The following IDO2 variants were observed in gnomAD, a reference collection of about 807,000 sequenced individuals.
IDO2 encodes indoleamine 2,3-dioxygenase 2.
In IDO2, 46 loss-of-function variants were observed where a neutral mutation model predicts 45.1. The ratio of observed to expected loss-of-function variants is 1.02; its 90% CI spans 0.80 to 1.30. The LOEUF is 1.30. Ranked by LOEUF, IDO2 falls within the 50% of genes most tolerant of loss-of-function variation. The pLI is 0.00. For synonymous variants in IDO2, 218 were observed against 184.9 expected, an observed-to-expected ratio of 1.18 and a Z score of -1.45; for missense variants, 544 against 491.8, an observed-to-expected ratio of 1.11 and a Z score of -1.00.
chr8:39,982,547 A>G lies in IDO2; in HGVS notation c.316-105A>G, dbSNP rs1808369814. 63 of 718,414 alleles carry G rather than the reference A, an allele frequency of 8.8e-5. No individual in the cohort carries two copies. In the South Asian group the frequency reaches 1.2e-3, roughly 13 times the overall value. 44.5% of individuals were successfully genotyped at this position (718,414 alleles called of 1,614,324 possible). A position where few individuals can be genotyped will look rare whatever the true frequency, so the allele number is the denominator to read the frequency against. On this transcript the variant is annotated intron_variant, in intron 4 of 10. Coordinates refer to ENST00000502986, the Ensembl canonical transcript of IDO2. The stretch of plus-strand genomic sequence containing the variant: ...CAGGTAATTCAAGCTTGGTTCCCAG[A>G]TCATTTCTGTACCACAGGATTGCCG...
chr8:39,996,041 C>A (rs2729480), intron 8 of IDO2, among the ~76,000 whole-genome samples: 110,116 of 149,806 alleles, frequency 0.74, 40,694 homozygotes, highest in East Asian at 0.92. Context: ...TCATTGCTAT[C>A]TAAAAATCTC....
intron 1 of IDO2, among the ~76,000 whole-genome samples, chr8:39,936,180 T>A (rs1807545850): frequency 6.6e-6 from 1 of 152,228 alleles, no homozygotes; most frequent in African/African-American, 2.4e-5. Context: ...ACCTAAAGGA[T>A]CTGGCTCTAT....
At chr8:39,946,448 G>C (rs1344118032) in intron 1 of IDO2, among the ~76,000 whole-genome samples, 1 of 151,990 alleles carries the variant, frequency 6.6e-6, no homozygotes, top group African/African-American at 2.4e-5. Flanking sequence ...TCTACTAAAA[G>C]TACAAAAAAT....
chr8:39,964,359 G>T (rs1202108330), intron 3 of IDO2, among the ~76,000 whole-genome samples: 1 of 152,158 alleles, frequency 6.6e-6, no homozygotes, highest in Non-Finnish European at 1.5e-5. Context: ...GAGAAACTCT[G>T]GTCTCACAGT....
chr8:39,985,150 C>T (rs914892037), intron 5 of IDO2: 15 of 319,890 alleles, frequency 4.7e-5, no homozygotes, highest in South Asian at 1.6e-4. Flanking sequence ...AGTCTGGTAT[C>T]GAATCCTCGA....
At chr8:39,991,060 G>A (rs1053287616) in intron 8 of IDO2, among the ~76,000 whole-genome samples, 2 of 152,140 alleles carry the variant, frequency 1.3e-5, no homozygotes, top group Non-Finnish European at 2.9e-5. Flanking sequence ...CAAGAAGCAG[G>A]ACTGGAGGGA....
At position 40,004,607 on chromosome 8, in the gene IDO2, C is replaced by A. The variant is rs1477031862; in HGVS notation, c.668-720C>A. ...ATAGATAATCTCAGAAACAGAGACA[C>A]AGTGATCTCAGTAAGATAGGCATAT... is the stretch of plus-strand genomic sequence containing the variant. On this transcript the variant is annotated intron_variant, in intron 8 of 10. Transcript: ENST00000502986. Among the ~76,000 whole-genome samples, 3 of 151,734 alleles carry A rather than the reference C, an allele frequency of 2.0e-5. No individual in the cohort carries two copies. In the East Asian group the frequency reaches 5.8e-4, roughly 29 times the overall value.
chr8:40,011,019 T>A (rs994091623), intron 9 of IDO2, among the ~76,000 whole-genome samples: 1 of 152,196 alleles, frequency 6.6e-6, no homozygotes, highest in Admixed American at 6.5e-5. Context: ...CAAGCGATAC[T>A]CCTGCCTCAG....
intron 2 of IDO2, among the ~76,000 whole-genome samples, chr8:39,963,331 T>C (rs968024443): frequency 2.6e-5 from 4 of 152,240 alleles, no homozygotes; most frequent in Non-Finnish European, 5.9e-5. Context: ...TCTTTGCAAG[T>C]TATTTGGCTC....
chr8:40,010,428 T>C (rs1802293736), intron 9 of IDO2, among the ~76,000 whole-genome samples: 1 of 152,156 alleles, frequency 6.6e-6, no homozygotes, highest in African/African-American at 2.4e-5. Flanking sequence ...CTGAGTGAGA[T>C]GGACAACACG....
At chr8:39,995,174 T>C (rs373294075) in intron 8 of IDO2, 3,827 of 120,920 alleles carry the variant, frequency 0.032, 361 homozygotes, top group South Asian at 0.047. Flanking sequence ...CCTCCTCCTC[T>C]TCTTCCTTCT....
chr8:39,943,886 G>GCT (rs1807690588), intron 1 of IDO2, among the ~76,000 whole-genome samples: 2 of 152,138 alleles, frequency 1.3e-5, no homozygotes, highest in African/African-American at 4.8e-5. Context: ...CCTAGCCAGA[G>GCT]CAATCAAACA....
chr8:39,939,055 C>G (rs1259344118), intron 1 of IDO2, among the ~76,000 whole-genome samples: 1 of 151,128 alleles, frequency 6.6e-6, no homozygotes, highest in African/African-American at 2.4e-5. Flanking sequence ...AGTTTGAGAT[C>G]AGCCTGACCA....
At chr8:39,942,588 CAAGATCAAGCCACGGCA>C (rs1807659992) in intron 1 of IDO2, among the ~76,000 whole-genome samples, 1 of 151,700 alleles carries the variant, frequency 6.6e-6, no homozygotes, top group African/African-American at 2.4e-5. Context: ...TTCAGTGAGG[CAAGATCAAGCCACGGCA>C]CTCCAGCCTG....
intron 8 of IDO2, among the ~76,000 whole-genome samples, chr8:40,002,785 A>C (rs763377404): frequency 6.6e-6 from 1 of 152,074 alleles, no homozygotes; most frequent in African/African-American, 2.4e-5. Context: ...ATCTCCAAAA[A>C]TAAATAAATA....
rs530424381 is a variant in IDO2 at position 39,968,898 on chromosome 8, A to C, written c.195+5195A>C. Among the ~76,000 whole-genome samples the C allele has an allele frequency of 3.3e-5, 5 of 152,136 alleles. No homozygotes were observed. The East Asian group carries it at 9.6e-4, about 29-fold the overall frequency. On this transcript the variant is annotated intron_variant, in intron 3 of 10. Transcript: ENST00000502986. Reference sequence around the variant, plus strand: ...AAATTTTTAAAAAAGTAAAAAAAAAAAAAACAAACAACAACACCTAACTGG... The same window carrying C: ...AAATTTTTAAAAAAGTAAAAAAAAACAAAACAAACAACAACACCTAACTGG...
intron 2 of IDO2, among the ~76,000 whole-genome samples, chr8:39,960,459 GC>G (rs1225143130): frequency 1.3e-5 from 2 of 152,004 alleles, no homozygotes; most frequent in East Asian, 3.9e-4. Context: ...TCTTGCAATA[GC>G]CAACTATAAA....
intron 8 of IDO2, among the ~76,000 whole-genome samples, chr8:39,997,665 T>A (rs1474405620): frequency 1.3e-5 from 2 of 152,046 alleles, no homozygotes; most frequent in Non-Finnish European, 2.9e-5. Flanking sequence ...TCTCAATAAG[T>A]AAATAAATAA....
exon 11 of IDO2, chr8:40,015,794 T>C: frequency 1.7e-6 from 1 of 574,466 alleles, no homozygotes; most frequent in Non-Finnish European, 3.1e-6. Flanking sequence ...TGGCCAAGCC[T>C]TTCCCTCCCT....
Sources: gnomAD v4.1 joint callset for allele counts (sites outside exome capture counted in the v4.1 genomes callset) on GRCh38, gnomAD v4.1.1 for gene constraint, MANE v1.5 for transcripts, NCBI Gene and HGNC (gene_info 2026-07-23, HGNC 2026-07-21) for gene names.